Variants in MYH10 observed in about 807,000 individuals in gnomAD.
The protein encoded by MYH10 is myosin heavy chain 10.
In MYH10, 55 loss-of-function variants were observed where a neutral mutation model predicts 257.8. The ratio of observed to expected loss-of-function variants is 0.21; its 90% confidence interval spans 0.17 to 0.27. The LOEUF (loss-of-function observed/expected upper bound fraction) is 0.27. MYH10 is among the 10% of genes least tolerant of loss of function. The pLI, the probability that MYH10 is intolerant of heterozygous loss-of-function variation, is 1.00. For missense variants in MYH10, 1,631 were observed against 2,500.6 expected (o/e 0.65, Z 7.42); for synonymous variants, 854 against 921.7 (o/e 0.93, Z 1.33).
intron 7 of MYH10, chr17:8,560,570 T>C (rs945308115): frequency 1.2e-5 from 10 of 808,470 alleles, no homozygotes; most frequent in South Asian, 9.1e-5. Flanking sequence ...CCAAAAACAG[T>C]GGAAAACTTT....
intron 1 of MYH10, among the ~76,000 whole-genome samples, chr17:8,626,725 T>C (rs879381529): frequency 4.6e-5 from 7 of 151,822 alleles, no homozygotes; most frequent in Non-Finnish European, 1.0e-4. Context: ...TTCAGAAGGG[T>C]AGAATCTATT....
chr17:8,504,897 A>C lies in MYH10; in HGVS notation c.3396T>G (p.Asp1132Glu), dbSNP rs777035724. ...ELQGALARGDDETLHKNNALK... is the reference protein window; with the variant it reads ...ELQGALARGDEETLHKNNALK... ...GGGCATTGTTCTTATGGAGTGTTTC[A>C]TCATCACCTCTGTTAAAACACCCAG... The change falls in exon 28 of 43, where the codon GAT becomes GAG. Residue 1132 changes from aspartate (D) to glutamate (E), a missense_variant. Around this residue, in one of 11 missense-constraint regions of MYH10, gnomAD observed 169 missense variants for 249.8 expected, o/e 0.68. Coordinates refer to ENST00000360416, the MANE Select transcript of MYH10 (RefSeq NM_001256012.3). This position sits in a 1 kb window ranked among gnomAD's most constrained non-coding sequence, Gnocchi z 5.6. The C allele has an allele frequency of 4.5e-5, 72 of 1,613,944 alleles. No homozygotes were observed. Among genetic ancestry groups the C allele is most frequent in the Non-Finnish European group, 5.7e-5 (67 of 1,179,964 alleles).
intron 4 of MYH10, among the ~76,000 whole-genome samples, chr17:8,588,750 C>G (rs1597906078): frequency 6.6e-6 from 1 of 152,194 alleles, no homozygotes; most frequent in South Asian, 2.1e-4. Flanking sequence ...ACTGAGCACA[C>G]AGTACAGTAG....
At chr17:8,497,060 C>T (rs1916747570) in intron 30 of MYH10, among the ~76,000 whole-genome samples, 1 of 152,196 alleles carries the variant, frequency 6.6e-6, no homozygotes, top group East Asian at 1.9e-4. Context: ...CTGTGTGACT[C>T]CGCTGGGAGA....
At chr17:8,565,506 G>T (rs992554766) in intron 7 of MYH10, among the ~76,000 whole-genome samples, 1 of 152,106 alleles carries the variant, frequency 6.6e-6, no homozygotes, top group Admixed American at 6.5e-5. Context: ...AAAAAAATAC[G>T]TATCAATAAA....
intron 4 of MYH10, among the ~76,000 whole-genome samples, chr17:8,582,732 G>C (rs1217057193): frequency 6.6e-6 from 1 of 152,224 alleles, no homozygotes; most frequent in Non-Finnish European, 1.5e-5. Context: ...GCCTAAAGAA[G>C]CAGTGATGCA....
At position 8,518,678 on chromosome 17, in the gene MYH10, A is replaced by G. The variant is rs756725541; in HGVS notation, c.2457T>C (p.Asp819=). The change falls in exon 21 of 43, where the codon GAT becomes GAC. Residue 819 remains aspartate (D), a synonymous_variant. Transcript: ENST00000360416. ...AAACGGCCTGGAAGAAGATAATGAT[A>G]TCGGTGATTTTTAAATCTCTTTCTT... The part of the protein sequence containing the change: ...LEEERDLKIT[D]IIIFFQAVCR... 1 of 1,614,170 alleles carries G rather than the reference A, an allele frequency of 6.2e-7. No homozygotes were observed. Among genetic ancestry groups the G allele is most frequent in the South Asian group, 1.1e-5 (1 of 91,082 alleles).
At chr17:8,620,282 T>C (rs556381516) in intron 2 of MYH10, among the ~76,000 whole-genome samples, 2 of 152,284 alleles carry the variant, frequency 1.3e-5, no homozygotes, top group East Asian at 1.9e-4. Flanking sequence ...AAAATCAACA[T>C]TTTGAAATTT....
chr17:8,475,185 CCCCCCTTGG>C lies in MYH10; in HGVS notation c.*610_*618del, dbSNP rs1381761424. On this transcript the variant is annotated 3_prime_UTR_variant, in exon 43 of 43. Coordinates refer to ENST00000360416, the MANE Select transcript of MYH10 (RefSeq NM_001256012.3). ...GACACCATCGACTCGAGGGGCAGGGCCCCCCTTGGGGGATGGACATGGTAACCCCAAATG... is the reference window on the plus strand; with the variant it reads ...GACACCATCGACTCGAGGGGCAGGGCGGGATGGACATGGTAACCCCAAATG... 6.5e-6 allele frequency: 1 copy of C among 152,898 alleles called. No individual in the cohort carries two copies. The highest frequency in any genetic ancestry group is 2.4e-5 in the African/African-American group (1 of 41,468). The allele number at this position is 152,898 out of a possible 1,614,324, so 9.5% of individuals were successfully genotyped here.
chr17:8,628,520 A>G (rs187627454), intron 1 of MYH10, among the ~76,000 whole-genome samples: 11 of 152,358 alleles, frequency 7.2e-5, no homozygotes, highest in Non-Finnish European at 1.2e-4. Flanking sequence ...GCATCCATCT[A>G]TAACAGATGA....
At chr17:8,539,105 G>A (rs115085042) in intron 14 of MYH10, among the ~76,000 whole-genome samples, 2,863 of 152,170 alleles carry the variant, frequency 0.019, 103 homozygotes, top group African/African-American at 0.062. Flanking sequence ...TCTGCCAAGA[G>A]TCCCCACCAG....
chr17:8,564,298 T>G (rs1169818295), intron 7 of MYH10, among the ~76,000 whole-genome samples: 2 of 152,250 alleles, frequency 1.3e-5, no homozygotes, highest in African/African-American at 4.8e-5. Flanking sequence ...ATGGAGTTTA[T>G]AGCCTCAAAT....
intron 22 of MYH10, 28 bp downstream of exon 22, chr17:8,513,758 G>C (rs780033825): frequency 6.2e-6 from 10 of 1,612,750 alleles, no homozygotes; most frequent in Non-Finnish European, 8.5e-6. Flanking sequence ...ATTTGAAAGG[G>C]ATCTGGAAAG....
chr17:8,624,716 G>T (rs1159700356), intron 1 of MYH10, among the ~76,000 whole-genome samples: 1 of 152,160 alleles, frequency 6.6e-6, no homozygotes, highest in Non-Finnish European at 1.5e-5. Context: ...ATTCTAAAGG[G>T]CTCTATCTGT....
At chr17:8,480,637 A>C (rs771075861) in intron 38 of MYH10, 112 bp from the exon 39 acceptor site, 1 of 1,433,234 alleles carries the variant, frequency 7.0e-7, no homozygotes, top group South Asian at 1.2e-5. Flanking sequence ...AGCCATCCTG[A>C]ATTTTCTCTT....
intron 29 of MYH10, among the ~76,000 whole-genome samples, chr17:8,500,536 G>C (rs977287938): frequency 6.6e-6 from 1 of 152,322 alleles, no homozygotes; most frequent in African/African-American, 2.4e-5. Context: ...GGGGTTTTGA[G>C]TGAAGCCACT....
intron 2 of MYH10, among the ~76,000 whole-genome samples, chr17:8,618,651 A>G (rs1442922540): frequency 1.3e-5 from 2 of 152,246 alleles, no homozygotes; most frequent in African/African-American, 4.8e-5. Flanking sequence ...GTATTGAACA[A>G]GTCTTTTTAC....
At position 8,506,608 on chromosome 17, in the gene MYH10, C is replaced by G; in HGVS notation, c.3215-119G>C. On this transcript the variant is annotated intron_variant, in intron 26 of 42. Coordinates refer to ENST00000360416, the MANE Select transcript of MYH10 (RefSeq NM_001256012.3). This position sits in a 1 kb window ranked among gnomAD's most constrained non-coding sequence, Gnocchi z 5.0. ...CATTTTATTCAAAAGCATGTCACTG[C>G]CCTGATGACATGGTCATGCGCTGAT... 9.6e-7 allele frequency: 1 copy of G among 1,040,416 alleles called. No homozygotes were observed. Among genetic ancestry groups the G allele is most frequent in the Non-Finnish European group, 1.4e-6 (1 of 706,500 alleles). 64.4% of individuals were successfully genotyped at this position (1,040,416 alleles called of 1,614,324 possible).
chr17:8,582,373 T>A (rs1332876071), intron 4 of MYH10, among the ~76,000 whole-genome samples: 1 of 152,104 alleles, frequency 6.6e-6, no homozygotes, highest in African/African-American at 2.4e-5. Flanking sequence ...TCTGACCTCA[T>A]TTCCATCAAC....
Sources: gnomAD v4.1 joint callset for allele counts (sites outside exome capture counted in the v4.1 genomes callset) on GRCh38, gnomAD v4.1.1 for gene constraint, gnomAD v4.1.1 regional missense constraint, Gnocchi (gnomAD v3.1) non-coding constraint, MANE v1.5 for transcripts, NCBI Gene and HGNC (gene_info 2026-07-23, HGNC 2026-07-21) for gene names.